Variants in ZNF773 observed in about 807,000 individuals in gnomAD.
ZNF773 encodes the protein zinc finger protein 419B.
Under a neutral mutation model 12.8 loss-of-function variants are expected in ZNF773, and 11 were observed. The ratio of observed to expected loss-of-function variants is 0.86; its 90% CI spans 0.54 to 1.42. ZNF773 has a LOEUF of 1.42. Among genes scored for constraint, ZNF773 ranks in the 40% most tolerant of loss-of-function variants. The pLI, the probability that ZNF773 is intolerant of heterozygous loss-of-function variation, is 0.00. For missense variants in ZNF773, 518 were observed against 527.2 expected, an observed-to-expected ratio of 0.98 and a Z score of 0.17; for synonymous variants, 175 against 178.4, an observed-to-expected ratio of 0.98 and a Z score of 0.15.
At chr19:57,500,672 TGAA>T (rs1201602427) in intron 1 of ZNF773, among the ~76,000 whole-genome samples, 1 of 152,186 alleles carries the variant, frequency 6.6e-6, no homozygotes, top group Non-Finnish European at 1.5e-5. Context: ...AAGTAGGGAA[TGAA>T]GAGCCATTCT....
chr19:57,517,021 A>G (rs1198675850), downstream of ZNF773: 1 of 152,268 alleles, frequency 6.6e-6, no homozygotes, highest in African/African-American at 2.4e-5. Flanking sequence ...AGGAGTCAAT[A>G]TGGAAGACAG....
At chr19:57,512,368 C>T (rs1461566277), downstream of ZNF773, among the ~76,000 whole-genome samples, 1 of 150,976 alleles carries the variant, frequency 6.6e-6, no homozygotes, top group East Asian at 1.9e-4. Flanking sequence ...CTTGGTGCTT[C>T]CAGAGAAATG....
chr19:57,512,901 A>G, downstream of ZNF773: 5 of 1,111,316 alleles, frequency 4.5e-6, no homozygotes, highest in Non-Finnish European at 6.0e-6. Flanking sequence ...ATTCTACCTA[A>G]TAAATACAAA....
downstream of ZNF773, among the ~76,000 whole-genome samples, chr19:57,509,188 T>C (rs2089777451): frequency 6.6e-6 from 1 of 152,228 alleles, no homozygotes; most frequent in African/African-American, 2.4e-5. Flanking sequence ...TCTTATTCCT[T>C]GTGCATTTGG....
In ZNF773 at chr19:57,500,041, G is replaced by A. The variant is rs1452289365; in HGVS notation, c.-40G>A. The A allele has an allele frequency of 6.4e-7, 1 of 1,558,732 alleles. No individual in the cohort carries two copies. The highest frequency in any genetic ancestry group is 8.7e-7 in the Non-Finnish European group (1 of 1,153,716). On this transcript the variant is annotated 5_prime_UTR_variant, in exon 1 of 4. Coordinates refer to ENST00000282292, the MANE Select transcript of ZNF773 (RefSeq NM_198542.3). ...CGGTGGCGGCGCCCAGGGTGGCCCG[G>A]GCCCTTTCCTCGGTCGTTGTCTCAC...
intron 1 of ZNF773, among the ~76,000 whole-genome samples, chr19:57,501,578 AT>A (rs2089671180): frequency 2.0e-5 from 3 of 151,946 alleles, no homozygotes; most frequent in Admixed American, 2.0e-4. Context: ...GAAGTTGAGC[AT>A]TTTTCCAAGG....
intron 1 of ZNF773, among the ~76,000 whole-genome samples, chr19:57,501,765 C>G (rs2089673041): frequency 6.6e-6 from 1 of 152,050 alleles, no homozygotes. Context: ...AGTTATAGAC[C>G]ATGAGAAGGT....
chr19:57,512,413 T>C (rs1011320776), downstream of ZNF773, among the ~76,000 whole-genome samples: 7 of 148,066 alleles, frequency 4.7e-5, no homozygotes, highest in African/African-American at 1.2e-4. Flanking sequence ...TTTTTTTTTT[T>C]TTTTTTTTTG....
In ZNF773 at chr19:57,507,092, T is replaced by C; in HGVS notation, c.997T>C (p.Cys333Arg). The change falls in exon 4 of 4, where the codon TGC (cysteine) becomes CGC (arginine). Residue 333 changes from cysteine to arginine, a missense_variant. By Grantham distance (180) the Cys-to-Arg change is radical. Coordinates refer to ENST00000282292, the MANE Select transcript of ZNF773 (RefSeq NM_198542.3). ...TCACACTGGAGAAAGACCTTATAAG[T>C]GCAGTGAATGTGGAAAATTCTATAG... ...RVHTGERPYK[C>R]SECGKFYSHK... is the part of the protein sequence containing the mutation. The C allele has an allele frequency of 1.2e-6, 2 of 1,614,134 alleles. No homozygotes were observed. The highest frequency in any genetic ancestry group is 8.5e-7 in the Non-Finnish European group (1 of 1,180,014).
chr19:57,502,208 C>T (rs1240297629), intron 1 of ZNF773, among the ~76,000 whole-genome samples: 5 of 152,186 alleles, frequency 3.3e-5, no homozygotes, highest in Non-Finnish European at 7.3e-5. Context: ...TCCCAAAGTG[C>T]TGGGATTATA....
At chr19:57,514,754 C>T (rs1461708069), downstream of ZNF773, 1 of 152,156 alleles carries the variant, frequency 6.6e-6, no homozygotes. Flanking sequence ...CTTGGATTCC[C>T]AACAACAGGC....
In ZNF773 at chr19:57,506,804, C is replaced by T. The variant is rs760229368; in HGVS notation, c.709C>T (p.His237Tyr). 1.2e-6 allele frequency: 2 copies of T among 1,614,202 alleles called. No homozygotes were observed. The highest frequency in any genetic ancestry group is 1.7e-6 in the Non-Finnish European group (2 of 1,180,042). Reference protein sequence around the residue: ...LFSHKSNLFIHQIVHTGERPY... With the variant: ...LFSHKSNLFIYQIVHTGERPY... ...TAGCCATAAGTCCAACCTTTTTATA[C>T]ACCAAATAGTTCACACTGGAGAAAG... The change falls in exon 4 of 4, where the codon CAC (histidine) becomes TAC (tyrosine). Residue 237 changes from histidine (H) to tyrosine (Y), a missense_variant. Transcript: ENST00000282292.
At position 57,507,792 on chromosome 19, in the gene ZNF773, A is replaced by G. The variant is rs1044895455; in HGVS notation, c.*368A>G. ...CATCGAAACCATCCTGGTTAACACA[A>G]TGAAACCACATCTCTACTAAAAATA... On this transcript the variant is annotated 3_prime_UTR_variant, in exon 4 of 4. Transcript: ENST00000282292. The G allele has an allele frequency of 4.4e-5, 33 of 751,642 alleles. No homozygotes were observed. Among genetic ancestry groups the G allele is most frequent in the Non-Finnish European group, 5.1e-5 (31 of 603,068 alleles). 46.6% of individuals were successfully genotyped at this position (751,642 alleles called of 1,614,324 possible).
downstream of ZNF773, among the ~76,000 whole-genome samples, chr19:57,510,550 C>G (rs183953878): frequency 6.6e-6 from 1 of 151,968 alleles, no homozygotes; most frequent in South Asian, 2.1e-4. Flanking sequence ...AAAGGCAGAA[C>G]CCAAACTCTT....
At chr19:57,505,433 A>G in intron 3 of ZNF773, 33 bp downstream of exon 3, 1 of 1,611,568 alleles carries the variant, frequency 6.2e-7, no homozygotes, top group Non-Finnish European at 8.5e-7. Context: ...GGAGGTATGA[A>G]CTCGGGTATG....
chr19:57,501,121 G>A (rs1308673670), intron 1 of ZNF773, among the ~76,000 whole-genome samples: 1 of 152,178 alleles, frequency 6.6e-6, no homozygotes, highest in African/African-American at 2.4e-5. Flanking sequence ...GGCTGGTGGA[G>A]CAGCACCTTT....
chr19:57,506,819 A>G lies in ZNF773; in HGVS notation c.724A>G (p.Thr242Ala). 1.2e-6 allele frequency: 2 copies of G among 1,614,254 alleles called. No homozygotes were observed. Among genetic ancestry groups the G allele is most frequent in the East Asian group, 2.2e-5 (1 of 44,888 alleles). Reference protein sequence around the residue: ...SNLFIHQIVHTGERPYGCSDC... With the variant: ...SNLFIHQIVHAGERPYGCSDC... ...CCTTTTTATACACCAAATAGTTCAC[A>G]CTGGAGAAAGGCCTTATGGGTGTAG... Residue 242 changes from threonine to alanine, a missense_variant, in exon 4 of 4, where the codon ACT becomes GCT. By Grantham distance (58) the Thr-to-Ala change is moderately conservative. Coordinates refer to ENST00000282292, the MANE Select transcript of ZNF773 (RefSeq NM_198542.3).
Position 57,506,368 on chromosome 19 carries a change from A to T in ZNF773, c.273A>T (p.Gln91His), listed in dbSNP as rs760496679. ...TTTCTCTTCTTTCAGGTAGTTGGCAAGGAGCCAAGGCTGAGGCAGCTGCTG... is the reference window on the plus strand; with the variant it reads ...TTTCTCTTCTTTCAGGTAGTTGGCATGGAGCCAAGGCTGAGGCAGCTGCTG... ...VTSAILRGSW[Q>H]GAKAEAAAEQ... is the part of the protein sequence containing the mutation. Residue 91 changes from glutamine (Q) to histidine (H), a missense_variant, in exon 4 of 4, where the codon CAA becomes CAT. Physicochemically the swap from Gln to His is conservative, Grantham distance 24. Transcript: ENST00000282292. The T allele has an allele frequency of 1.0e-5, 16 of 1,601,990 alleles. No individual in the cohort carries two copies. The highest frequency in any genetic ancestry group is 1.4e-5 in the African/African-American group (1 of 74,036).
chr19:57,509,663 C>T (rs2089780209), downstream of ZNF773, among the ~76,000 whole-genome samples: 1 of 152,176 alleles, frequency 6.6e-6, no homozygotes, highest in African/African-American at 2.4e-5. Flanking sequence ...TTCTTTAGGT[C>T]ATAAGTATAA....
Sources: gnomAD v4.1 joint callset for allele counts (sites outside exome capture counted in the v4.1 genomes callset) on GRCh38, gnomAD v4.1.1 for gene constraint, MANE v1.5 for transcripts, NCBI Gene and HGNC (gene_info 2026-07-23, HGNC 2026-07-21) for gene names.